Variants in ACER3 observed in about 807,000 individuals in gnomAD.
ACER3 encodes the protein alkaline ceramidase 3, also known as alkCDase 3.
Under a neutral mutation model 48.9 loss-of-function variants are expected in ACER3, and 16 were observed. The ratio of observed to expected loss-of-function variants is 0.33; its 90% confidence interval spans 0.22 to 0.50. The LOEUF (loss-of-function observed/expected upper bound fraction) is 0.50. Ranked by LOEUF, ACER3 falls within the 20% of genes least tolerant of loss-of-function variation. The probability of loss-of-function intolerance (pLI) is 0.98; values close to 1 mark genes in which losing one functional copy is unlikely to be tolerated. For missense variants in ACER3, 227 were observed against 326.0 expected (o/e 0.70, Z 2.34); for synonymous variants, 109 against 107.8 (o/e 1.01, Z -0.07).
At chr11:76,948,622 C>T (rs1200390539) in intron 2 of ACER3, among the ~76,000 whole-genome samples, 1 of 152,152 alleles carries the variant, frequency 6.6e-6, no homozygotes, top group Non-Finnish European at 1.5e-5. Context: ...ATATCATATA[C>T]CAGGCTGCTG....
intron 3 of ACER3, among the ~76,000 whole-genome samples, chr11:76,960,301 C>T (rs1369893890): frequency 5.9e-5 from 9 of 151,830 alleles, no homozygotes; most frequent in Non-Finnish European, 8.8e-5. Context: ...CCCAGCTACC[C>T]GGGAAGCTGA....
At chr11:76,889,505 C>T (rs1385335663) in intron 1 of ACER3, among the ~76,000 whole-genome samples, 1 of 152,138 alleles carries the variant, frequency 6.6e-6, no homozygotes, top group South Asian at 2.1e-4. Context: ...TGTGTACTTA[C>T]AAACATATAA....
Position 77,025,734 on chromosome 11 carries a change from A to G in ACER3, c.*5407A>G, listed in dbSNP as rs1555025623. 6.6e-6 allele frequency: 1 copy of G among 152,166 alleles called. No individual in the cohort carries two copies. The highest frequency in any genetic ancestry group is 1.5e-5 in the Non-Finnish European group (1 of 68,040). 9.4% of individuals were successfully genotyped at this position (152,166 alleles called of 1,614,324 possible). A position where few individuals can be genotyped will look rare whatever the true frequency, so the allele number is the denominator to read the frequency against. ...TTTTACATTTTAAAAACGTTTAGAG[A>G]AAGAAGAATATGCAACAGAAACTGT... On this transcript the variant is annotated 3_prime_UTR_variant, in exon 11 of 11. Coordinates refer to ENST00000532485, the MANE Select transcript of ACER3 (RefSeq NM_018367.7).
chr11:76,975,861 C>T lies in ACER3; in HGVS notation c.268-428C>T, dbSNP rs1012848590. ...TAGTAAAAGAAATAAGAGCTGAAAC[C>T]TTTTTTTCTTTTCTTTTTTTTTTTT... On this transcript the variant is annotated intron_variant, in intron 3 of 10. Coordinates refer to ENST00000532485, the MANE Select transcript of ACER3 (RefSeq NM_018367.7). 2.3e-4 allele frequency among the ~76,000 whole-genome samples: 33 copies of T among 140,552 alleles called. 1 individual carries two copies. The highest frequency in any genetic ancestry group is 8.3e-4 in the African/African-American group (31 of 37,264). The allele number at this position is 140,552 out of a possible 152,430, so 92.2% of individuals were successfully genotyped here. A position where few individuals can be genotyped will look rare whatever the true frequency, so the allele number is the denominator to read the frequency against.
intron 1 of ACER3, among the ~76,000 whole-genome samples, chr11:76,888,279 A>C (rs1191519347): frequency 6.6e-6 from 1 of 152,252 alleles, no homozygotes; most frequent in African/African-American, 2.4e-5. Flanking sequence ...CATGGCATTA[A>C]TTTAAAAAAG....
chr11:77,014,974 T>C (rs781837405), intron 7 of ACER3, 42 bp from the exon 8 acceptor site: 1 of 1,212,312 alleles, frequency 8.2e-7, no homozygotes, highest in Non-Finnish European at 1.2e-6. Context: ...GTGACATGAC[T>C]TGAGAAAATT....
At chr11:76,958,727 A>G (rs1408530179) in intron 2 of ACER3, 1 of 494,310 alleles carries the variant, frequency 2.0e-6, no homozygotes, top group Non-Finnish European at 3.7e-6. Context: ...ATTTTACAGA[A>G]ATAATGGAAT....
Position 76,998,812 on chromosome 11 carries a change from T to C in ACER3, c.488T>C (p.Ile163Thr), listed in dbSNP as rs987987659. The change falls in exon 7 of 11, where the codon ATT becomes ACT. Residue 163 changes from isoleucine (I) to threonine (T), a missense_variant. Physicochemically the swap from Ile to Thr is moderately conservative, Grantham distance 89 (BLOSUM62 -1). Coordinates refer to ENST00000532485, the MANE Select transcript of ACER3 (RefSeq NM_018367.7). ...VFTLVLRSIY[I>T]VTWVYPWLRG... ...ACATTAGTACTTCGATCTATTTATATTGTTACATGGTAAGTAGTTTGGATC... is the reference window on the plus strand; with the variant it reads ...ACATTAGTACTTCGATCTATTTATACTGTTACATGGTAAGTAGTTTGGATC... 2 of 1,595,014 alleles carry C rather than the reference T, an allele frequency of 1.3e-6. No homozygotes were observed. Among genetic ancestry groups the C allele is most frequent in the Non-Finnish European group, 1.7e-6 (2 of 1,172,594 alleles).
chr11:76,933,617 A>G (rs1380961217), intron 2 of ACER3, among the ~76,000 whole-genome samples: 2 of 152,128 alleles, frequency 1.3e-5, no homozygotes, highest in Admixed American at 6.5e-5. Flanking sequence ...ATAGATCAAC[A>G]GGATCCCAAG....
At chr11:77,005,687 A>G (rs1472705742) in intron 7 of ACER3, among the ~76,000 whole-genome samples, 2 of 151,592 alleles carry the variant, frequency 1.3e-5, no homozygotes, top group Non-Finnish European at 2.9e-5. Flanking sequence ...GCCTTGTCAC[A>G]TGGCATTCTC....
chr11:76,923,559 TTAAC>T (rs1425700076), intron 1 of ACER3, among the ~76,000 whole-genome samples: 1 of 152,266 alleles, frequency 6.6e-6, no homozygotes, highest in Non-Finnish European at 1.5e-5. Context: ...CGTGCTTTTT[TTAAC>T]TTTGTTAGGT....
At chr11:76,886,064 T>C (rs1945663998) in intron 1 of ACER3, among the ~76,000 whole-genome samples, 1 of 152,204 alleles carries the variant, frequency 6.6e-6, no homozygotes, top group South Asian at 2.1e-4. Context: ...ATGCTGTAAA[T>C]AAAACTAGGT....
chr11:76,873,139 C>T (rs1334791791), intron 1 of ACER3, among the ~76,000 whole-genome samples: 1 of 151,758 alleles, frequency 6.6e-6, no homozygotes, highest in Non-Finnish European at 1.5e-5. Context: ...AGGCTGGTCT[C>T]GAACTCCTGG....
intron 2 of ACER3, among the ~76,000 whole-genome samples, chr11:76,948,689 C>G (rs1335315676): frequency 6.6e-6 from 1 of 152,080 alleles, no homozygotes; most frequent in Admixed American, 6.6e-5. Flanking sequence ...ATTCTAGGTC[C>G]CTTCTTATGC....
At chr11:76,938,973 A>AAAAAAAAAAG (rs1230607697) in intron 2 of ACER3, among the ~76,000 whole-genome samples, 27 of 152,170 alleles carry the variant, frequency 1.8e-4, no homozygotes, top group African/African-American at 6.0e-4. Context: ...AAAGTGCTAA[A>AAAAAAAAAAG]AAAAATGAAG....
At chr11:76,925,174 A>G (rs1031817624) in intron 1 of ACER3, among the ~76,000 whole-genome samples, 1 of 152,152 alleles carries the variant, frequency 6.6e-6, no homozygotes, top group African/African-American at 2.4e-5. Flanking sequence ...ATTCATTGTA[A>G]AAGAAAGAAC....
chr11:76,900,685 T>C (rs1345752124), intron 1 of ACER3, among the ~76,000 whole-genome samples: 1 of 152,152 alleles, frequency 6.6e-6, no homozygotes, highest in Non-Finnish European at 1.5e-5. Context: ...AAATAATAGG[T>C]ACCCTTCTGC....
intron 3 of ACER3, among the ~76,000 whole-genome samples, chr11:76,965,812 T>A (rs1441679564): frequency 6.6e-6 from 1 of 151,136 alleles, no homozygotes; most frequent in East Asian, 1.9e-4. Context: ...AAGGAAGCAC[T>A]AAACATGGAA....
intron 2 of ACER3, among the ~76,000 whole-genome samples, chr11:76,952,266 T>C (rs1057147182): frequency 4.6e-5 from 7 of 150,710 alleles, no homozygotes; most frequent in African/African-American, 7.3e-5. Flanking sequence ...TTCTTTCTTT[T>C]TTTTTTTTTT....
Sources: gnomAD v4.1 joint callset for allele counts (sites outside exome capture counted in the v4.1 genomes callset) on GRCh38, gnomAD v4.1.1 for gene constraint, MANE v1.5 for transcripts, NCBI Gene and HGNC (gene_info 2026-07-23, HGNC 2026-07-21) for gene names.